The following PKP4 variants were observed in gnomAD, a reference collection of about 807,000 sequenced individuals.
PKP4 encodes the protein plakophilin 4.
A neutral mutation model predicts 145.1 loss-of-function variants in PKP4; 90 were observed. The ratio of observed to expected loss-of-function variants is 0.62; its 90% CI spans 0.52 to 0.74. The LOEUF is 0.74. Among genes scored for constraint, PKP4 ranks in the 30% least tolerant of loss-of-function variants. PKP4 has a pLI of 0.00. For synonymous variants in PKP4, 563 were observed against 577.2 expected (o/e 0.98, Z 0.35); for missense variants, 1,340 against 1,482.7 (o/e 0.90, Z 1.58).
chr2:158,544,065 C>T (rs546071732), intron 2 of PKP4, among the ~76,000 whole-genome samples: 22 of 152,270 alleles, frequency 1.4e-4, no homozygotes, highest in Admixed American at 2.6e-4. Context: ...AGCAATCAGC[C>T]TGAATTCTCC....
intron 3 of PKP4, among the ~76,000 whole-genome samples, chr2:158,586,059 A>G (rs192440254): frequency 6.6e-6 from 1 of 152,136 alleles, no homozygotes; most frequent in Non-Finnish European, 1.5e-5. Context: ...TTCACTTTGC[A>G]TGAAATTTTC....
At chr2:158,536,577 A>G (rs1447376935) in intron 2 of PKP4, among the ~76,000 whole-genome samples, 1 of 152,196 alleles carries the variant, frequency 6.6e-6, no homozygotes, top group Admixed American at 6.5e-5. Context: ...AATATCTGAA[A>G]TTGGACATAG....
At chr2:158,457,530 G>A (rs1207230435) in intron 1 of PKP4, 1 of 152,324 alleles carries the variant, frequency 6.6e-6, no homozygotes, top group Non-Finnish European at 1.5e-5. Flanking sequence ...TGGGCTGTTC[G>A]GATTCAGAGC....
chr2:158,595,700 T>C (rs1429183647), intron 3 of PKP4, among the ~76,000 whole-genome samples: 2 of 152,202 alleles, frequency 1.3e-5, no homozygotes, highest in Non-Finnish European at 2.9e-5. Flanking sequence ...AATGACGATA[T>C]AGAAATTTAA....
chr2:158,532,649 T>C (rs1224219750), intron 1 of PKP4, among the ~76,000 whole-genome samples: 1 of 152,248 alleles, frequency 6.6e-6, no homozygotes, highest in Non-Finnish European at 1.5e-5. Context: ...TATTCTATCA[T>C]AAGCTATGGG....
intron 3 of PKP4, among the ~76,000 whole-genome samples, chr2:158,588,669 G>A (rs556586309): frequency 1.2e-4 from 19 of 152,160 alleles, no homozygotes; most frequent in Non-Finnish European, 1.8e-4. Flanking sequence ...ACAGTGACAC[G>A]TATGTGGAAG....
intron 1 of PKP4, among the ~76,000 whole-genome samples, chr2:158,488,570 C>G (rs1694505868): frequency 6.6e-6 from 1 of 152,198 alleles, no homozygotes; most frequent in Non-Finnish European, 1.5e-5. Context: ...GTCTCACTTA[C>G]ATGCAGATAT....
chr2:158,586,178 C>A (rs534299772), intron 3 of PKP4, among the ~76,000 whole-genome samples: 65 of 152,180 alleles, frequency 4.3e-4, no homozygotes, highest in Non-Finnish European at 5.9e-4. Context: ...ATCAGTTGTA[C>A]ATTTGGGTTG....
intron 1 of PKP4, among the ~76,000 whole-genome samples, chr2:158,496,178 G>A (rs1008237807): frequency 3.3e-5 from 5 of 151,562 alleles, no homozygotes; most frequent in East Asian, 2.0e-4. Context: ...GACAGGTTTC[G>A]CCATGTTGGT....
At chr2:158,529,090 C>T (rs1463969328) in intron 1 of PKP4, among the ~76,000 whole-genome samples, 3 of 152,180 alleles carry the variant, frequency 2.0e-5, no homozygotes, top group Admixed American at 6.5e-5. Context: ...AAAGATCTCT[C>T]ATCATGGGAG....
chr2:158,648,830 C>G (rs1441259379), intron 11 of PKP4, among the ~76,000 whole-genome samples: 1 of 152,182 alleles, frequency 6.6e-6, no homozygotes, highest in East Asian at 1.9e-4. Context: ...GAAACCCCAT[C>G]TCTACTAAAA....
At chr2:158,601,974 A>G (rs1035547642) in intron 3 of PKP4, among the ~76,000 whole-genome samples, 4 of 152,180 alleles carry the variant, frequency 2.6e-5, no homozygotes, top group African/African-American at 9.6e-5. Context: ...TCCTTTTTCT[A>G]TAAATTTAAT....
chr2:158,573,137 A>T (rs1574552882), intron 2 of PKP4, among the ~76,000 whole-genome samples: 2 of 152,254 alleles, frequency 1.3e-5, no homozygotes, highest in African/African-American at 4.8e-5. Context: ...ATATAAAGAC[A>T]TTATGTGATA....
chr2:158,463,228 A>G (rs1286414309), intron 1 of PKP4, among the ~76,000 whole-genome samples: 2 of 152,222 alleles, frequency 1.3e-5, no homozygotes, highest in Non-Finnish European at 2.9e-5. Flanking sequence ...GCCAACAAGT[A>G]TAGGAGAATG....
chr2:158,545,865 A>G (rs1036753147), intron 2 of PKP4, among the ~76,000 whole-genome samples: 2 of 152,200 alleles, frequency 1.3e-5, no homozygotes, highest in Admixed American at 6.5e-5. Context: ...TCTCTTGCAT[A>G]TAGTTCCTCT....
chr2:158,620,821 A>G (rs2052155429), intron 4 of PKP4, among the ~76,000 whole-genome samples, 169 bp from the exon 5 acceptor site: 2 of 152,266 alleles, frequency 1.3e-5, no homozygotes, highest in African/African-American at 4.8e-5. Context: ...GTATAAGTAT[A>G]TGGAACACAT....
intron 11 of PKP4, among the ~76,000 whole-genome samples, chr2:158,655,655 G>A (rs918594006): frequency 8.5e-5 from 13 of 152,192 alleles, no homozygotes; most frequent in Non-Finnish European, 1.5e-4. Context: ...ATATCCTATT[G>A]AAAAATGCAG....
chr2:158,680,080 G>A (rs16843196), intron 21 of PKP4, among the ~76,000 whole-genome samples: 4,361 of 152,132 alleles, frequency 0.029, 149 homozygotes, highest in African/African-American at 0.082. Context: ...CCTCTCATTC[G>A]GCATGCCCAG....
At chr2:158,519,039 TTTC>T (rs1189820980) in intron 1 of PKP4, among the ~76,000 whole-genome samples, 1 of 152,144 alleles carries the variant, frequency 6.6e-6, no homozygotes, top group African/African-American at 2.4e-5. Context: ...TCTTGTAGTA[TTTC>T]TTCTTTTTTC....
Sources: gnomAD v4.1 joint callset for allele counts (sites outside exome capture counted in the v4.1 genomes callset) on GRCh38, gnomAD v4.1.1 for gene constraint, MANE v1.5 for transcripts, NCBI Gene and HGNC (gene_info 2026-07-23, HGNC 2026-07-21) for gene names.